The following RUNDC3B variants were observed in gnomAD, a reference collection of about 807,000 sequenced individuals.
RUNDC3B encodes the protein RUN domain containing 3B.
RUNDC3B carries 33 observed loss-of-function variants against 58.4 expected under a neutral mutation model. The observed-to-expected ratio is 0.56, with a 90% CI of 0.43 to 0.75. RUNDC3B has a LOEUF of 0.75. RUNDC3B is among the 30% of genes least tolerant of loss of function. RUNDC3B has a pLI of 0.00. For synonymous variants in RUNDC3B, 193 were observed against 195.2 expected (o/e 0.99, Z 0.10); for missense variants, 501 against 535.7 (o/e 0.94, Z 0.64).
At chr7:87,782,624 C>G (rs546483483) in intron 8 of RUNDC3B, among the ~76,000 whole-genome samples, 5 of 152,014 alleles carry the variant, frequency 3.3e-5, no homozygotes, top group Non-Finnish European at 7.4e-5. Context: ...AAACTTTTAA[C>G]ACTATTTTTG....
chr7:87,775,379 A>G (rs891762386), intron 7 of RUNDC3B, among the ~76,000 whole-genome samples: 1 of 152,256 alleles, frequency 6.6e-6, no homozygotes, highest in Non-Finnish European at 1.5e-5. Flanking sequence ...ATGTTTTTGT[A>G]TAGCTGTACA....
intron 10 of RUNDC3B, among the ~76,000 whole-genome samples, chr7:87,820,830 A>T (rs1291958382): frequency 6.6e-6 from 1 of 151,826 alleles, no homozygotes; most frequent in Non-Finnish European, 1.5e-5. Context: ...CTTTGACAAA[A>T]TTCAACAGCC....
intron 10 of RUNDC3B, among the ~76,000 whole-genome samples, chr7:87,817,069 T>C (rs1037463486): frequency 6.6e-6 from 1 of 152,170 alleles, no homozygotes; most frequent in African/African-American, 2.4e-5. Flanking sequence ...AGAAAGATAA[T>C]CCCCTACCTC....
At chr7:87,767,340 C>T (rs1032131920) in intron 6 of RUNDC3B, among the ~76,000 whole-genome samples, 27 of 152,170 alleles carry the variant, frequency 1.8e-4, no homozygotes, top group African/African-American at 5.3e-4. Flanking sequence ...TACACTAATT[C>T]CTTCTAATCT....
chr7:87,710,289 A>C (rs954128776), intron 3 of RUNDC3B, among the ~76,000 whole-genome samples: 1 of 152,174 alleles, frequency 6.6e-6, no homozygotes, highest in African/African-American at 2.4e-5. Flanking sequence ...CATGTAATTC[A>C]AAAGAAGTCT....
intron 8 of RUNDC3B, among the ~76,000 whole-genome samples, chr7:87,780,766 A>C (rs958653165): frequency 6.6e-6 from 1 of 152,024 alleles, no homozygotes; most frequent in Non-Finnish European, 1.5e-5. Context: ...ATTTTTGTCA[A>C]CTTTGTCAAA....
At chr7:87,717,839 T>G (rs993399588) in intron 4 of RUNDC3B, among the ~76,000 whole-genome samples, 1 of 152,130 alleles carries the variant, frequency 6.6e-6, no homozygotes, top group Non-Finnish European at 1.5e-5. Flanking sequence ...AATCTAATAC[T>G]TTTTGTAAAG....
intron 3 of RUNDC3B, among the ~76,000 whole-genome samples, chr7:87,708,491 T>C (rs1022957358): frequency 6.6e-6 from 1 of 152,192 alleles, no homozygotes; most frequent in African/African-American, 2.4e-5. Context: ...TAAAGAAATG[T>C]AATCTATAGT....
intron 3 of RUNDC3B, among the ~76,000 whole-genome samples, chr7:87,703,885 C>CTTTTTTTTTTTTTTTTTTTTTT: frequency 3.8e-4 from 23 of 60,282 alleles, no homozygotes; most frequent in Non-Finnish European, 4.4e-4. Flanking sequence ...TCAGTTTTTT[C>CTTTTTTTTTTTTTTTTTTTTTT]TTTTTTTTTT....
At chr7:87,783,235 A>G (rs1234209828) in intron 8 of RUNDC3B, among the ~76,000 whole-genome samples, 1 of 151,812 alleles carries the variant, frequency 6.6e-6, no homozygotes, top group Non-Finnish European at 1.5e-5. Context: ...TGAACTCTTT[A>G]TCATTATGTA....
chr7:87,774,759 A>G (rs578027899), intron 7 of RUNDC3B, among the ~76,000 whole-genome samples: 1 of 152,338 alleles, frequency 6.6e-6, no homozygotes, highest in Non-Finnish European at 1.5e-5. Context: ...CATGCACTAC[A>G]TAATAATGTT....
chr7:87,799,247 T>C (rs565189606), intron 8 of RUNDC3B, among the ~76,000 whole-genome samples: 2 of 152,304 alleles, frequency 1.3e-5, no homozygotes, highest in East Asian at 3.9e-4. Context: ...CCTACCCTTA[T>C]AGAGTTTATG....
At chr7:87,789,253 T>C (rs1835399410) in intron 8 of RUNDC3B, among the ~76,000 whole-genome samples, 1 of 152,246 alleles carries the variant, frequency 6.6e-6, no homozygotes, top group Admixed American at 6.5e-5. Flanking sequence ...TCTTTATGGT[T>C]TGAAAGATTA....
chr7:87,665,603 T>G (rs1245034729), intron 2 of RUNDC3B, among the ~76,000 whole-genome samples: 1 of 152,078 alleles, frequency 6.6e-6, no homozygotes, highest in Non-Finnish European at 1.5e-5. Flanking sequence ...GTAAATTGCA[T>G]TTCATGGGGT....
intron 6 of RUNDC3B, among the ~76,000 whole-genome samples, chr7:87,752,247 C>T (rs985880523): frequency 6.6e-6 from 1 of 152,070 alleles, no homozygotes; most frequent in Admixed American, 6.6e-5. Context: ...GGTGGATAAG[C>T]TTTTTGATGT....
At chr7:87,760,509 G>A (rs2130852502) in intron 6 of RUNDC3B, among the ~76,000 whole-genome samples, 1 of 151,860 alleles carries the variant, frequency 6.6e-6, no homozygotes, top group East Asian at 1.9e-4. Flanking sequence ...GAATTGCAAG[G>A]GACTCTAAAT....
chr7:87,693,885 T>C, intron 2 of RUNDC3B: 1 of 1,602,312 alleles, frequency 6.2e-7, no homozygotes, highest in Non-Finnish European at 8.5e-7. Context: ...CTGTGTGTTG[T>C]TGTTGTTATT....
At chr7:87,629,644 T>C (rs1297423176) in intron 1 of RUNDC3B, among the ~76,000 whole-genome samples, 1 of 152,092 alleles carries the variant, frequency 6.6e-6, no homozygotes, top group Non-Finnish European at 1.5e-5. Flanking sequence ...TAATTACTAT[T>C]GGGCCGGGCG....
intron 9 of RUNDC3B, among the ~76,000 whole-genome samples, chr7:87,809,023 C>T (rs916487073): frequency 2.0e-5 from 3 of 152,134 alleles, no homozygotes; most frequent in African/African-American, 4.8e-5. Context: ...GATGTGTACA[C>T]TTCCCAATCT....
Sources: gnomAD v4.1 joint callset for allele counts (sites outside exome capture counted in the v4.1 genomes callset) on GRCh38, gnomAD v4.1.1 for gene constraint, MANE v1.5 for transcripts, NCBI Gene and HGNC (gene_info 2026-07-23, HGNC 2026-07-21) for gene names.